AHRR: variants seen among roughly 807,000 people sequenced by gnomAD.
AHRR encodes the protein ahR repressor.
In AHRR, 28 loss-of-function variants were observed where a neutral mutation model predicts 44.0. The observed-to-expected ratio is 0.64, with a 90% CI of 0.47 to 0.87. The LOEUF (loss-of-function observed/expected upper bound fraction) is 0.87, where lower values mean the gene tolerates loss of function less well. Among genes scored for constraint, AHRR ranks in the 40% least tolerant of loss-of-function variants. The pLI, the probability that AHRR is intolerant of heterozygous loss-of-function variation, is 0.00. For synonymous variants in AHRR, 434 were observed against 407.0 expected, an observed-to-expected ratio of 1.07 and a Z score of -0.80; for missense variants, 990 against 953.9, an observed-to-expected ratio of 1.04 and a Z score of -0.50.
In AHRR at chr5:404,492, T is replaced by C; in HGVS notation, c.352-8852T>C. ...TGTTCACCAAAACATCTAACGCAAC[T>C]ATTTTCAGACTTTACGGTTTGTAGT... On this transcript the variant is annotated intron_variant, in intron 4 of 10. Coordinates refer to ENST00000684583, the MANE Select transcript of AHRR (RefSeq NM_001377236.1). The surrounding 1 kb of genome is among the most constrained non-coding windows in gnomAD (Gnocchi z 4.1). The C allele has an allele frequency of 2.2e-6, 1 of 464,852 alleles. No individual in the cohort carries two copies. The highest frequency in any genetic ancestry group is 5.5e-5 in the East Asian group (1 of 18,202). 28.8% of individuals were successfully genotyped at this position (464,852 alleles called of 1,614,324 possible). A position where few individuals can be genotyped will look rare whatever the true frequency, so the allele number is the denominator to read the frequency against.
chr5:345,434 G>A (rs578205640), intron 2 of AHRR, among the ~76,000 whole-genome samples: 3 of 129,750 alleles, frequency 2.3e-5, no homozygotes, highest in East Asian at 2.2e-4. Context: ...GTGGGTGTGC[G>A]TGTGTGGGTG....
chr5:348,026 T>C (rs899225249), intron 2 of AHRR, among the ~76,000 whole-genome samples: 2 of 152,008 alleles, frequency 1.3e-5, no homozygotes, highest in African/African-American at 4.8e-5. Context: ...GGAGGTGGAG[T>C]TGGTCTAGAA....
chr5:322,822 C>T (rs1316048360), intron 1 of AHRR, among the ~76,000 whole-genome samples: 3 of 152,254 alleles, frequency 2.0e-5, no homozygotes, highest in Non-Finnish European at 2.9e-5. Context: ...GATGCTGACC[C>T]GGCGGACGCC....
rs1319149903 is a variant in AHRR, at chr5:411,384, C to T, written c.352-1960C>T. ...AGCTGCACCTGTTCTTACCATTCTC[C>T]GTCATTTTGTGGAATGTTGTGGGGG... On this transcript the variant is annotated intron_variant, in intron 4 of 10. Coordinates refer to ENST00000684583, the MANE Select transcript of AHRR (RefSeq NM_001377236.1). This position sits in a 1 kb window ranked among gnomAD's most constrained non-coding sequence, Gnocchi z 4.2. Among the ~76,000 whole-genome samples the T allele has an allele frequency of 4.6e-5, 7 of 152,046 alleles. No individual in the cohort carries two copies. The highest frequency in any genetic ancestry group is 7.4e-5 in the Non-Finnish European group (5 of 67,986).
chr5:421,391 C>G (rs924899477), intron 5 of AHRR: 1 of 591,474 alleles, frequency 1.7e-6, no homozygotes, highest in Non-Finnish European at 3.1e-6. Context: ...AGCCCCCACA[C>G]GGAGGGCGGC....
intron 1 of AHRR, among the ~76,000 whole-genome samples, chr5:324,098 C>T (rs1216381131): frequency 2.0e-5 from 3 of 151,226 alleles, no homozygotes; most frequent in Admixed American, 6.6e-5. Flanking sequence ...CTTGTTCTGT[C>T]ACCCAGGCTG....
At position 427,867 on chromosome 5, in the gene AHRR, G is replaced by T. The variant is rs77520050; in HGVS notation, c.769G>T (p.Gly257Ter). The change falls in exon 8 of 11, where the codon GGA becomes TGA. Residue 257 changes from glycine to a stop codon, truncating the protein, a stop_gained. Transcript: ENST00000684583. LOFTEE classifies it high-confidence loss of function. ...LFGQKKKAPS[G>*]AMLPPRLSLF... Reference sequence around the variant, plus strand: ...TGGACAGAAGAAGAAGGCGCCGTCAGGAGCCATGCTCCCGCCGCGGCTGTC... The same window carrying T: ...TGGACAGAAGAAGAAGGCGCCGTCATGAGCCATGCTCCCGCCGCGGCTGTC... 1 of 1,614,132 alleles carries T rather than the reference G, an allele frequency of 6.2e-7. No homozygotes were observed. The highest frequency in any genetic ancestry group is 8.5e-7 in the Non-Finnish European group (1 of 1,180,032).
intron 1 of AHRR, among the ~76,000 whole-genome samples, chr5:328,549 C>T (rs971495746): frequency 1.3e-5 from 2 of 152,098 alleles, no homozygotes; most frequent in Admixed American, 1.3e-4. Context: ...CTGCACCTGG[C>T]CGTCTTTTTA....
chr5:349,639 A>G (rs986477725), intron 2 of AHRR, among the ~76,000 whole-genome samples: 1 of 152,086 alleles, frequency 6.6e-6, no homozygotes, highest in African/African-American at 2.4e-5. Context: ...ATGAAGACCA[A>G]CTTGTGAGCT....
intron 3 of AHRR, among the ~76,000 whole-genome samples, chr5:356,533 G>A (rs1472228494): frequency 1.8e-4 from 20 of 113,400 alleles, no homozygotes; most frequent in African/African-American, 2.4e-4. Flanking sequence ...GAGGAAGAGC[G>A]CCCGGGAGTG....
chr5:400,431 G>A (rs1233778706), intron 4 of AHRR, among the ~76,000 whole-genome samples: 6 of 152,088 alleles, frequency 3.9e-5, no homozygotes, highest in Admixed American at 1.3e-4. Context: ...CAGGTGCGCC[G>A]TTTCCTGACG....
intron 4 of AHRR, among the ~76,000 whole-genome samples, chr5:381,480 A>G (rs978430565): frequency 6.1e-5 from 9 of 146,710 alleles, no homozygotes; most frequent in Admixed American, 5.4e-4. Flanking sequence ...TAGTCTTTCA[A>G]CATTAAATAT....
chr5:363,354 T>C (rs1743244849), intron 3 of AHRR, among the ~76,000 whole-genome samples: 1 of 152,208 alleles, frequency 6.6e-6, no homozygotes, highest in Non-Finnish European at 1.5e-5. Context: ...GGGGTGTCTC[T>C]GCCACAACTG....
chr5:404,443 G>A lies in AHRR; in HGVS notation c.352-8901G>A. The stretch of plus-strand genomic sequence containing the variant: ...GGGGCAGAAGCAACAGGGGACCACT[G>A]TGCTGGTGCTGTCGTGCACGGTGTG... On this transcript the variant is annotated intron_variant, in intron 4 of 10. Transcript: ENST00000684583. The surrounding 1 kb of genome is among the most constrained non-coding windows in gnomAD (Gnocchi z 4.1). 1 of 534,680 alleles carries A rather than the reference G, an allele frequency of 1.9e-6. No homozygotes were observed. Among genetic ancestry groups the A allele is most frequent in the South Asian group, 1.4e-5 (1 of 71,538 alleles). The allele number at this position is 534,680 out of a possible 1,614,324, so 33.1% of individuals were successfully genotyped here.
intron 4 of AHRR, among the ~76,000 whole-genome samples, chr5:403,344 T>C (rs1735101252): frequency 6.6e-6 from 1 of 152,136 alleles, no homozygotes. Context: ...TGACTGAAAT[T>C]TAACCACTTA....
chr5:329,995 GTATTA>G (rs1396517459), intron 1 of AHRR, among the ~76,000 whole-genome samples: 1 of 152,118 alleles, frequency 6.6e-6, no homozygotes, highest in Non-Finnish European at 1.5e-5. Context: ...AGGACTTTCA[GTATTA>G]TATTGAATAG....
chr5:359,802 A>G (rs897183355), intron 3 of AHRR, among the ~76,000 whole-genome samples: 33 of 152,170 alleles, frequency 2.2e-4, no homozygotes, highest in Admixed American at 2.1e-3. Context: ...TAGGTGGGCA[A>G]GAACAGAGGC....
chr5:397,509 C>T (rs377226106), intron 4 of AHRR, among the ~76,000 whole-genome samples: 5 of 91,944 alleles, frequency 5.4e-5, no homozygotes, highest in Non-Finnish European at 9.4e-5. Context: ...TGACCATCCA[C>T]GTAGCCCCTG....
intron 4 of AHRR, among the ~76,000 whole-genome samples, chr5:401,610 C>T (rs1050449842): frequency 6.6e-5 from 10 of 152,198 alleles, no homozygotes; most frequent in Admixed American, 3.3e-4. Flanking sequence ...CCAGGGCAGG[C>T]GGATGCGGCG....
Sources: gnomAD v4.1 joint callset for allele counts (sites outside exome capture counted in the v4.1 genomes callset) on GRCh38, gnomAD v4.1.1 for gene constraint, Gnocchi (gnomAD v3.1) non-coding constraint, MANE v1.5 for transcripts, NCBI Gene and HGNC (gene_info 2026-07-23, HGNC 2026-07-21) for gene names.